RRBP1: variants seen among roughly 807,000 people sequenced by gnomAD.
RRBP1 encodes the protein ribosome-binding protein 1.
In RRBP1, 94 loss-of-function variants were observed where a neutral mutation model predicts 165.2. The ratio of observed to expected loss-of-function variants is 0.57; its 90% CI spans 0.48 to 0.68. The LOEUF (loss-of-function observed/expected upper bound fraction) is 0.68, where lower values mean the gene tolerates loss of function less well. Ranked by LOEUF, RRBP1 falls within the 30% of genes least tolerant of loss-of-function variation. The probability of loss-of-function intolerance (pLI) is 0.00; values close to 1 mark genes in which losing one functional copy is unlikely to be tolerated. For missense variants in RRBP1, 1,676 were observed against 1,763.0 expected (o/e 0.95, Z 0.88); for synonymous variants, 680 against 714.5 (o/e 0.95, Z 0.77).
intron 2 of RRBP1, among the ~76,000 whole-genome samples, chr20:17,661,236 T>C (rs1391076139): frequency 6.6e-6 from 1 of 152,210 alleles, no homozygotes; most frequent in African/African-American, 2.4e-5. Context: ...ACTTCTGCAT[T>C]ACAATCCTGA....
At chr20:17,681,856 T>TCCGACC (rs530105915) in intron 1 of RRBP1, among the ~76,000 whole-genome samples, 172 bp downstream of exon 1, 17,304 of 147,912 alleles carry the variant, frequency 0.12, 1,317 homozygotes, top group Middle Eastern at 0.24. Context: ...CCGCCCCGAG[T>TCCGACC]CCGACCCCGA....
chr20:17,619,715 G>A lies in RRBP1; in HGVS notation c.3593C>T (p.Thr1198Met), dbSNP rs773714203. ...TTCCAGCTCTGCCTCCAAATGCGAC[G>A]TGTGCTCCCTCACCTGGACAGATGC... ...LESSDQVREHTSHLEAELEKH... is the reference protein window; with the variant it reads ...LESSDQVREHMSHLEAELEKH... Residue 1198 changes from threonine (T) to methionine (M), a missense_variant, in exon 19 of 25, where the codon ACG (threonine) becomes ATG (methionine). Around this residue, in one of 5 missense-constraint regions of RRBP1, gnomAD observed 1,184 missense variants for 1,167.1 expected, o/e 1.01. Transcript: ENST00000377813. The A allele has an allele frequency of 2.8e-5, 45 of 1,611,722 alleles. 1 individual carries two copies. Among genetic ancestry groups the A allele is most frequent in the South Asian group, 1.5e-4 (14 of 90,886 alleles).
At chr20:17,621,586 CA>C in intron 15 of RRBP1, 39 bp from the exon 16 acceptor site, 1 of 1,596,304 alleles carries the variant, frequency 6.3e-7, no homozygotes. Context: ...TAGCCACACA[CA>C]AAGGTTCTTC....
chr20:17,658,424 G>A (rs2036683955), intron 3 of RRBP1, among the ~76,000 whole-genome samples, 172 bp downstream of exon 3: 1 of 152,150 alleles, frequency 6.6e-6, no homozygotes, highest in African/African-American at 2.4e-5. Flanking sequence ...CCAGAAGCAT[G>A]AGCAACAATA....
intron 2 of RRBP1, among the ~76,000 whole-genome samples, 156 bp downstream of exon 2, chr20:17,679,843 T>A (rs2122525553): frequency 6.6e-6 from 1 of 152,328 alleles, no homozygotes; most frequent in Middle Eastern, 3.4e-3. Context: ...AGGTGAGAGT[T>A]GTTATAGTGC....
At chr20:17,660,635 C>G in intron 2 of RRBP1, 107 bp from the exon 3 acceptor site, 1 of 701,846 alleles carries the variant, frequency 1.4e-6, no homozygotes, top group Non-Finnish European at 2.4e-6. Context: ...TTTCTTCAGG[C>G]TAATAAATTC....
At chr20:17,645,672 C>T (rs1431670865) in intron 3 of RRBP1, among the ~76,000 whole-genome samples, 1 of 152,246 alleles carries the variant, frequency 6.6e-6, no homozygotes, top group African/African-American at 2.4e-5. Context: ...AGATGAGTTG[C>T]ATTTAAATAA....
intron 3 of RRBP1, among the ~76,000 whole-genome samples, chr20:17,646,551 C>G (rs1470770924): frequency 1.3e-5 from 2 of 152,216 alleles, no homozygotes; most frequent in Non-Finnish European, 2.9e-5. Context: ...GTTCCCCTCA[C>G]AGCGTGGCTG....
chr20:17,615,943 T>C lies in RRBP1; in HGVS notation c.3934A>G (p.Thr1312Ala), dbSNP rs2035791698. ...EDEQTQRQKLTAEFEEAQTSA... is the reference protein window; with the variant it reads ...EDEQTQRQKLAAEFEEAQTSA... ...GGCCTGACCTCCTCAAACTCGGCCG[T>C]GAGCTTCTGCCGCTGTGTCTGCTCA... Residue 1312 changes from threonine (T) to alanine (A), a missense_variant, in exon 22 of 25, where the codon ACG becomes GCG. By Grantham distance (58) the Thr-to-Ala change is moderately conservative. Around this residue, in one of 5 missense-constraint regions of RRBP1, gnomAD observed 1,184 missense variants for 1,167.1 expected, o/e 1.01. Transcript: ENST00000377813. The C allele has an allele frequency of 2.5e-6, 4 of 1,609,172 alleles. No individual in the cohort carries two copies. The highest frequency in any genetic ancestry group is 1.7e-5 in the Admixed American group (1 of 59,994).
rs111597132 is a variant in RRBP1 at position 17,660,823 on chromosome 20, C to T, written c.-21-295G>A. Among the ~76,000 whole-genome samples the T allele has an allele frequency of 1.9e-3, 283 of 152,250 alleles. 3 individuals are homozygous for T. Among genetic ancestry groups the T allele is most frequent in the African/African-American group, 6.3e-3 (263 of 41,540 alleles). ...CGCCCAGGAGCCTCAGCAGCCATGA[C>T]CCTGATGCAAGATATTCCCCACCCA... is the stretch of plus-strand genomic sequence containing the variant. On this transcript the variant is annotated intron_variant, in intron 2 of 24. Coordinates refer to ENST00000377813, the MANE Select transcript of RRBP1 (RefSeq NM_001365613.2).
At position 17,616,957 on chromosome 20, in the gene RRBP1, G is replaced by A. The variant is rs2122239151; in HGVS notation, c.3760-118C>T. ...GCTCTCAACAGCCAAAGTCCCTTCA[G>A]GGGACCTGGCTTGGTAACTGTGACC... is the stretch of plus-strand genomic sequence containing the variant. On this transcript the variant is annotated intron_variant, in intron 20 of 24. Transcript: ENST00000377813. 14 of 858,336 alleles carry A rather than the reference G, an allele frequency of 1.6e-5. No homozygotes were observed. In the South Asian group the frequency reaches 1.9e-4, roughly 11 times the overall value. 53.2% of individuals were successfully genotyped at this position (858,336 alleles called of 1,614,324 possible). A position where few individuals can be genotyped will look rare whatever the true frequency, so the allele number is the denominator to read the frequency against.
In RRBP1 at chr20:17,658,747, G is replaced by T; in HGVS notation, c.1761C>A (p.Gly587=). Residue 587 remains glycine (G), a synonymous_variant, in exon 3 of 25, where the codon GGC becomes GGA. Transcript: ENST00000377813. The stretch of plus-strand genomic sequence containing the variant: ...GATTGGCAGCTGCGTCTGCCTTTTT[G>T]CCTTGGTTGGGGGACCCTTCTGCCT... The part of the protein sequence containing the change: ...GKKAEGSPNQ[G]KKADAAANQG... 6.2e-7 allele frequency: 1 copy of T among 1,612,794 alleles called. No individual in the cohort carries two copies. Among genetic ancestry groups the T allele is most frequent in the South Asian group, 1.1e-5 (1 of 91,028 alleles).
chr20:17,654,183 C>T (rs2122421599), intron 3 of RRBP1, among the ~76,000 whole-genome samples: 1 of 152,312 alleles, frequency 6.6e-6, no homozygotes, highest in Middle Eastern at 3.4e-3. Flanking sequence ...CGGCACCCTC[C>T]CTTCACAGTC....
chr20:17,666,330 A>C (rs907386155), intron 2 of RRBP1, among the ~76,000 whole-genome samples: 1 of 148,964 alleles, frequency 6.7e-6, no homozygotes, highest in Non-Finnish European at 1.5e-5. Context: ...TCATAGCAAG[A>C]CCCTGTCTCT....
At chr20:17,615,821 G>T in intron 22 of RRBP1, 105 bp downstream of exon 22, 1 of 1,011,950 alleles carries the variant, frequency 9.9e-7, no homozygotes, top group Non-Finnish European at 1.5e-6. Flanking sequence ...CCCAGCCCAG[G>T]TGCTGCTGGG....
intron 2 of RRBP1, among the ~76,000 whole-genome samples, chr20:17,662,905 G>A (rs760938383): frequency 2.6e-5 from 4 of 152,104 alleles, no homozygotes; most frequent in Non-Finnish European, 4.4e-5. Flanking sequence ...GCCAGGCATG[G>A]TGGTACAAGC....
chr20:17,641,663 A>G, intron 5 of RRBP1, 134 bp downstream of exon 5: 1 of 1,106,664 alleles, frequency 9.0e-7, no homozygotes, highest in Non-Finnish European at 1.4e-6. Context: ...AGCAGTCCCT[A>G]CTCAGCAGCC....
At chr20:17,642,942 T>C in intron 4 of RRBP1, 37 bp downstream of exon 4, 1 of 1,603,580 alleles carries the variant, frequency 6.2e-7, no homozygotes. Flanking sequence ...CCAGCTGCAG[T>C]GGCCTCTGAG....
intron 2 of RRBP1, among the ~76,000 whole-genome samples, chr20:17,672,487 C>A (rs111802210): frequency 6.6e-6 from 1 of 152,162 alleles, no homozygotes; most frequent in African/African-American, 2.4e-5. Flanking sequence ...TTATTATCAA[C>A]GGTAACTCAA....
Sources: gnomAD v4.1 joint callset for allele counts (sites outside exome capture counted in the v4.1 genomes callset) on GRCh38, gnomAD v4.1.1 for gene constraint, gnomAD v4.1.1 regional missense constraint, MANE v1.5 for transcripts, NCBI Gene and HGNC (gene_info 2026-07-23, HGNC 2026-07-21) for gene names.